Variants in ACAP1 observed in about 807,000 individuals in gnomAD.
ACAP1 encodes arf-GAP with coiled-coil, ANK repeat and PH domain-containing protein 1.
A neutral mutation model predicts 98.8 loss-of-function variants in ACAP1; 45 were observed. The ratio of observed to expected loss-of-function variants is 0.46; its 90% CI spans 0.36 to 0.58. The LOEUF (loss-of-function observed/expected upper bound fraction) is 0.58, where lower values mean the gene tolerates loss of function less well. ACAP1 is among the 20% of genes least tolerant of loss of function. The pLI is 0.00. For missense variants in ACAP1, 735 were observed against 971.4 expected, an observed-to-expected ratio of 0.76 and a Z score of 3.24; for synonymous variants, 362 against 375.3, an observed-to-expected ratio of 0.96 and a Z score of 0.41.
In ACAP1 at chr17:7,343,993, T is replaced by TTAGGG. The variant is rs1219141491; in HGVS notation, c.669+38_669+42dup. ...GGGCACAGCAGGTGGTAGAGGGAGG[T>TTAGGG]TAGGGACTCCTAACTGGGGGGCCTT... On this transcript the variant is annotated intron_variant, in intron 8 of 21. Transcript: ENST00000158762. The surrounding 1 kb of genome is among the most constrained non-coding windows in gnomAD (Gnocchi z 4.9). 1 of 1,573,052 alleles carries TTAGGG rather than the reference T, an allele frequency of 6.4e-7. No individual in the cohort carries two copies. Among genetic ancestry groups the TTAGGG allele is most frequent in the Non-Finnish European group, 8.6e-7 (1 of 1,159,132 alleles).
intron 2 of ACAP1, among the ~76,000 whole-genome samples, chr17:7,341,144 G>C (rs1377671683): frequency 6.6e-6 from 1 of 152,162 alleles, no homozygotes; most frequent in African/African-American, 2.4e-5. Flanking sequence ...AAATACTATA[G>C]ATTTTATTTA....
In ACAP1 at chr17:7,337,185, G is replaced by A. The variant is rs867264926; in HGVS notation, c.54-127G>A. 8.5e-5 allele frequency: 72 copies of A among 845,980 alleles called. 1 individual carries two copies. The South Asian group carries it at 1.0e-3, about 12-fold the overall frequency. 52.4% of individuals were successfully genotyped at this position (845,980 alleles called of 1,614,324 possible). A position where few individuals can be genotyped will look rare whatever the true frequency, so the allele number is the denominator to read the frequency against. The stretch of plus-strand genomic sequence containing the variant: ...GCGGGCAGAGCACAAGTAGGTGGGT[G>A]GGGGGCGAGCCTCTCAACTCTGCAG... On this transcript the variant is annotated intron_variant, in intron 1 of 21. Transcript: ENST00000158762.
At chr17:7,338,374 C>T (rs996137206) in intron 2 of ACAP1, among the ~76,000 whole-genome samples, 1 of 152,090 alleles carries the variant, frequency 6.6e-6, no homozygotes, top group African/African-American at 2.4e-5. Flanking sequence ...CTACCTCAGC[C>T]TCCCAAGTAG....
Position 7,343,540 on chromosome 17 carries a change from G to A in ACAP1, c.506G>A (p.Arg169Gln), listed in dbSNP as rs200252453. Residue 169 changes from arginine (R) to glutamine (Q), a missense_variant, in exon 6 of 22, where the codon CGG (arginine) becomes CAG (glutamine). Physicochemically the swap from Arg to Gln is conservative, Grantham distance 43. This residue lies in a region of ACAP1 where 430 missense variants were observed against 531.8 expected (regional missense o/e 0.81). Coordinates refer to ENST00000158762, the MANE Select transcript of ACAP1 (RefSeq NM_014716.4). This position sits in a 1 kb window ranked among gnomAD's most constrained non-coding sequence, Gnocchi z 4.9. Reference sequence around the variant, plus strand: ...ACGGCTCGAGCTGGGTACCGGGGACGGGCACTGGATTATGCCCTGCAGGTG... The same window carrying A: ...ACGGCTCGAGCTGGGTACCGGGGACAGGCACTGGATTATGCCCTGCAGGTG... ...LRTARAGYRG[R>Q]ALDYALQINV... 172 of 1,613,482 alleles carry A rather than the reference G, an allele frequency of 1.1e-4. 1 individual carries two copies. Among genetic ancestry groups the A allele is most frequent in the Middle Eastern group, 3.3e-4 (2 of 6,082 alleles).
Position 7,350,109 on chromosome 17 carries a change from C to A in ACAP1, c.1962-18C>A. The A allele has an allele frequency of 6.2e-7, 1 of 1,613,772 alleles. No individual in the cohort carries two copies. ...GGGAGAAGTTGGGCGGCCGGCTGACCCTGGCTCTTCTCTCCAGGCTCGCCT... is the reference window on the plus strand; with the variant it reads ...GGGAGAAGTTGGGCGGCCGGCTGACACTGGCTCTTCTCTCCAGGCTCGCCT... On this transcript the variant is annotated intron_variant, in intron 19 of 21. Transcript: ENST00000158762. The surrounding 1 kb of genome is among the most constrained non-coding windows in gnomAD (Gnocchi z 4.6).
intron 10 of ACAP1, among the ~76,000 whole-genome samples, chr17:7,345,156 C>T (rs777288827): frequency 1.3e-5 from 2 of 151,938 alleles, no homozygotes; most frequent in Non-Finnish European, 1.5e-5. Context: ...TTGGGGTCTA[C>T]TCTGAGAGCA....
chr17:7,343,080 A>C lies in ACAP1; in HGVS notation c.345-299A>C. ...GGGTAACAGAGCAAGACCCGGTCTCAAAAACAAAAACAACAACAACAACAA... is the reference window on the plus strand; with the variant it reads ...GGGTAACAGAGCAAGACCCGGTCTCCAAAACAAAAACAACAACAACAACAA... On this transcript the variant is annotated intron_variant, in intron 5 of 21. Transcript: ENST00000158762. The surrounding 1 kb of genome is among the most constrained non-coding windows in gnomAD (Gnocchi z 4.9). 1 of 315,030 alleles carries C rather than the reference A, an allele frequency of 3.2e-6. No individual in the cohort carries two copies. Among genetic ancestry groups the C allele is most frequent in the East Asian group, 6.0e-5 (1 of 16,700 alleles). The allele number at this position is 315,030 out of a possible 1,614,324, so 19.5% of individuals were successfully genotyped here. A position where few individuals can be genotyped will look rare whatever the true frequency, so the allele number is the denominator to read the frequency against.
chr17:7,350,278 C>T lies in ACAP1; in HGVS notation c.2072+41C>T, dbSNP rs375456493. The T allele has an allele frequency of 2.0e-4, 313 of 1,552,546 alleles. 2 individuals carry two copies. In the African/African-American group the frequency reaches 2.4e-3, roughly 12 times the overall value. On this transcript the variant is annotated intron_variant, in intron 20 of 21. Coordinates refer to ENST00000158762, the MANE Select transcript of ACAP1 (RefSeq NM_014716.4). The surrounding 1 kb of genome is among the most constrained non-coding windows in gnomAD (Gnocchi z 4.6). ...GGGGCGGGGCTGGCGCTGGGACTCC[C>T]CCCACCCCCGCCCACCCACGTTCGG...
intron 21 of ACAP1, 77 bp downstream of exon 21, chr17:7,351,076 C>A: frequency 7.1e-7 from 1 of 1,412,184 alleles, no homozygotes; most frequent in Non-Finnish European, 1.0e-6. Context: ...ACCTCTCTCC[C>A]TAGTGCCCAG....
chr17:7,346,546 G>T, intron 12 of ACAP1, 55 bp downstream of exon 12: 1 of 1,468,744 alleles, frequency 6.8e-7, no homozygotes, highest in Non-Finnish European at 9.2e-7. Context: ...CTGCCAATCT[G>T]AAAGGCAGGG....
chr17:7,342,387 C>A, intron 4 of ACAP1, 29 bp from the exon 5 acceptor site: 1 of 1,613,952 alleles, frequency 6.2e-7, no homozygotes, highest in Middle Eastern at 1.6e-4. Context: ...TGGTCCTGAC[C>A]CCAGTCTACC....
intron 17 of ACAP1, 70 bp downstream of exon 17, chr17:7,348,545 G>T: frequency 7.0e-7 from 1 of 1,424,514 alleles, no homozygotes. Context: ...AGCGCCGGGA[G>T]GCACAGAGTG....
At position 7,347,162 on chromosome 17, in the gene ACAP1, C is replaced by T. The variant is rs1223832671; in HGVS notation, c.1263C>T (p.Cys421=). ...VQSVDGNAQC[C]DCREPAPEWA... ...GTGTGGATGGCAATGCCCAGTGCTG[C>T]GACTGCCGGGAGCCAGCCCCGGAGT... The change falls in exon 14 of 22, where the codon TGC becomes TGT. Residue 421 remains cysteine (C), a synonymous_variant. Coordinates refer to ENST00000158762, the MANE Select transcript of ACAP1 (RefSeq NM_014716.4). 18 of 1,614,058 alleles carry T rather than the reference C, an allele frequency of 1.1e-5. No homozygotes were observed. Among genetic ancestry groups the T allele is most frequent in the African/African-American group, 5.3e-5 (4 of 75,042 alleles).
At chr17:7,337,192 G>A (rs1359046074) in intron 1 of ACAP1, 120 bp from the exon 2 acceptor site, 10 of 901,234 alleles carry the variant, frequency 1.1e-5, no homozygotes, top group East Asian at 4.8e-5. Flanking sequence ...GGTGGGGGGC[G>A]AGCCTCTCAA....
intron 11 of ACAP1, 44 bp from the exon 12 acceptor site, chr17:7,346,347 G>A (rs537310515): frequency 6.2e-7 from 1 of 1,613,962 alleles, no homozygotes; most frequent in South Asian, 1.1e-5. Context: ...CTCAGCTCTT[G>A]CCTGCAGCTG....
Position 7,348,407 on chromosome 17 carries a change from G to T in ACAP1, c.1610G>T (p.Arg537Met), listed in dbSNP as rs1231233896. ...RGRRGGRGRP[R>M]GQPPVPPKPS... ...CGAAGAGGTGGCCGGGGGCGCCCAAGGGGGCAGCCTCCTGTGCCCCCAAAG... is the reference window on the plus strand; with the variant it reads ...CGAAGAGGTGGCCGGGGGCGCCCAATGGGGCAGCCTCCTGTGCCCCCAAAG... Residue 537 changes from arginine to methionine, a missense_variant, in exon 17 of 22, where the codon AGG becomes ATG. Arg to Met is a moderately conservative substitution (Grantham distance 91, BLOSUM62 -1). Transcript: ENST00000158762. 6.5e-7 allele frequency: 1 copy of T among 1,542,662 alleles called. No individual in the cohort carries two copies. The highest frequency in any genetic ancestry group is 1.2e-5 in the South Asian group (1 of 80,628).
chr17:7,346,113 G>T, intron 10 of ACAP1, 131 bp from the exon 11 acceptor site: 2 of 825,494 alleles, frequency 2.4e-6, no homozygotes. Context: ...CCCTTCTCTG[G>T]AATGTCTCGT....
Position 7,343,135 on chromosome 17 carries a change from G to C in ACAP1, c.345-244G>C. 1 of 460,820 alleles carries C rather than the reference G, an allele frequency of 2.2e-6. No homozygotes were observed. The highest frequency in any genetic ancestry group is 3.8e-6 in the Non-Finnish European group (1 of 261,250). 28.5% of individuals were successfully genotyped at this position (460,820 alleles called of 1,614,324 possible). On this transcript the variant is annotated intron_variant, in intron 5 of 21. Coordinates refer to ENST00000158762, the MANE Select transcript of ACAP1 (RefSeq NM_014716.4). This position sits in a 1 kb window ranked among gnomAD's most constrained non-coding sequence, Gnocchi z 4.9. ...TTTTTAAAGGGGGAGTGAGATGGGA[G>C]AGAAGGGGGCCTTATTTCTCGGAAA... is the stretch of plus-strand genomic sequence containing the variant.
At chr17:7,348,649 G>A in intron 17 of ACAP1, 174 bp downstream of exon 17, 1 of 744,596 alleles carries the variant, frequency 1.3e-6, no homozygotes. Flanking sequence ...GAGAAGGAAT[G>A]TGGGGCTGGG....
Sources: allele counts gnomAD v4.1 joint callset (sites outside exome capture counted in the v4.1 genomes callset), GRCh38; gene constraint gnomAD v4.1.1; regional missense constraint gnomAD v4.1.1; non-coding constraint Gnocchi (gnomAD v3.1); transcripts MANE v1.5; gene names NCBI Gene and HGNC (gene_info 2026-07-23, HGNC 2026-07-21).